Variants in ZNF676 observed in about 807,000 individuals in gnomAD.
The protein encoded by ZNF676 is zinc finger protein 676.
In ZNF676, 4 loss-of-function variants were observed where a neutral mutation model predicts 6.0. The observed-to-expected ratio is 0.67, with a 90% CI of 0.33 to 1.53. ZNF676 has a LOEUF of 1.53. Ranked by LOEUF, ZNF676 falls within the 40% of genes most tolerant of loss-of-function variation. ZNF676 has a pLI of 0.06. For missense variants in ZNF676, 644 were observed against 679.7 expected (o/e 0.95, Z 0.58); for synonymous variants, 198 against 223.1 (o/e 0.89, Z 1.00).
At chr19:22,196,041 G>A (rs986697397) in intron 1 of ZNF676, among the ~76,000 whole-genome samples, 5 of 152,074 alleles carry the variant, frequency 3.3e-5, no homozygotes, top group East Asian at 1.9e-4. Context: ...TGTAAAATCC[G>A]ACGGACCAAT....
chr19:22,243,816 T>C, the ZNF676 span: 2 of 152,218 alleles, frequency 1.3e-5, no homozygotes, highest in Non-Finnish European at 2.9e-5. Flanking sequence ...CAAATGTTAA[T>C]ATATGACAGT....
the ZNF676 span, among the ~76,000 whole-genome samples, chr19:22,223,308 T>C: frequency 9.2e-5 from 14 of 152,204 alleles, no homozygotes; most frequent in African/African-American, 3.4e-4. Flanking sequence ...CAAAGCTCTT[T>C]TGAAGGTACT....
At chr19:22,247,099 T>G in the ZNF676 span, among the ~76,000 whole-genome samples, 3 of 152,178 alleles carry the variant, frequency 2.0e-5, no homozygotes, top group Non-Finnish European at 4.4e-5. Context: ...GCAGCACCAA[T>G]TAGCCAACTT....
At chr19:22,229,139 G>T in the ZNF676 span, among the ~76,000 whole-genome samples, 6 of 152,120 alleles carry the variant, frequency 3.9e-5, no homozygotes, top group African/African-American at 1.2e-4. Context: ...CATGGTATTG[G>T]TATCAAAACA....
intron 1 of ZNF676, among the ~76,000 whole-genome samples, chr19:22,212,864 G>A (rs2024144048): frequency 6.6e-6 from 1 of 151,880 alleles, no homozygotes; most frequent in East Asian, 1.9e-4. Context: ...GCATGTGGGT[G>A]CACGCCTGTA....
At chr19:22,215,479 G>T (rs1247636001) in intron 1 of ZNF676, among the ~76,000 whole-genome samples, 1 of 152,176 alleles carries the variant, frequency 6.6e-6, no homozygotes, top group Non-Finnish European at 1.5e-5. Flanking sequence ...CCGCGCAGCC[G>T]CCATCTTATG....
At chr19:22,214,441 C>A (rs1307899831) in intron 1 of ZNF676, among the ~76,000 whole-genome samples, 1 of 150,912 alleles carries the variant, frequency 6.6e-6, no homozygotes, top group African/African-American at 2.4e-5. Flanking sequence ...ACGGTGAAAC[C>A]CCGTCCCTAT....
rs2023725986 is a variant in ZNF676 at position 22,180,695 on chromosome 19, T to C, written c.1022A>G (p.Glu341Gly). 2.5e-6 allele frequency: 4 copies of C among 1,611,548 alleles called. No individual in the cohort carries two copies. The highest frequency in any genetic ancestry group is 2.5e-6 in the Non-Finnish European group (3 of 1,178,864). Reference protein sequence around the residue: ...HAGEKPYKCEECGKAFNRSSI... With the variant: ...HAGEKPYKCEGCGKAFNRSSI... The stretch of plus-strand genomic sequence containing the variant: ...GGATCGATTAAAAGCTTTCCCGCAT[T>C]CTTCACATTTGTAGGGTTTCTCTCC... The change falls in exon 3 of 3, where the codon GAA (glutamate) becomes GGA (glycine). Residue 341 changes from glutamate (E) to glycine (G), a missense_variant. Transcript: ENST00000397121.
At chr19:22,191,652 C>T (rs2023908398) in intron 2 of ZNF676, among the ~76,000 whole-genome samples, 1 of 152,152 alleles carries the variant, frequency 6.6e-6, no homozygotes, top group Non-Finnish European at 1.5e-5. Flanking sequence ...GAAACCTGCC[C>T]TAGCGTCTAC....
At chr19:22,216,668 AG>A (rs1482218653), upstream of ZNF676, among the ~76,000 whole-genome samples, 1 of 151,060 alleles carries the variant, frequency 6.6e-6, no homozygotes, top group Non-Finnish European at 1.5e-5. Flanking sequence ...GAGTCTTGCC[AG>A]GCTAGAGTGC....
the ZNF676 span, among the ~76,000 whole-genome samples, chr19:22,239,595 C>A: frequency 6.6e-6 from 1 of 152,204 alleles, no homozygotes; most frequent in African/African-American, 2.4e-5. Context: ...GTCACAATCT[C>A]ACTTGCATAC....
At chr19:22,230,627 A>G in the ZNF676 span, among the ~76,000 whole-genome samples, 1 of 150,734 alleles carries the variant, frequency 6.6e-6, no homozygotes. Flanking sequence ...TGTATATTAT[A>G]TATATGTATG....
upstream of ZNF676, among the ~76,000 whole-genome samples, chr19:22,199,001 G>A (rs1309896723): frequency 6.6e-6 from 1 of 151,778 alleles, no homozygotes; most frequent in African/African-American, 2.4e-5. Flanking sequence ...CAACATGAAT[G>A]CTTCCACCAA....
chr19:22,204,822 C>G (rs760936546), intron 1 of ZNF676, among the ~76,000 whole-genome samples: 2 of 151,880 alleles, frequency 1.3e-5, no homozygotes, highest in Non-Finnish European at 2.9e-5. Context: ...ATCTCAGGTC[C>G]CAGATAAAGA....
chr19:22,250,236 C>A, the ZNF676 span, among the ~76,000 whole-genome samples: 1 of 150,308 alleles, frequency 6.7e-6, no homozygotes, highest in African/African-American at 2.4e-5. Flanking sequence ...CTAATTCATA[C>A]GTGAAATGTA....
chr19:22,221,790 G>T, the ZNF676 span, among the ~76,000 whole-genome samples: 3 of 151,680 alleles, frequency 2.0e-5, no homozygotes, highest in Non-Finnish European at 2.9e-5. Context: ...CCTATTATAT[G>T]GTCTATCTTG....
the ZNF676 span, among the ~76,000 whole-genome samples, chr19:22,223,255 A>G: frequency 2.4e-3 from 371 of 152,260 alleles, no homozygotes; most frequent in African/African-American, 8.0e-3. Flanking sequence ...ATGTTCCTCA[A>G]TCTTGGGCTT....
the ZNF676 span, among the ~76,000 whole-genome samples, chr19:22,235,024 GAAAGAAAGA>G: frequency 3.3e-5 from 2 of 60,002 alleles, no homozygotes; most frequent in East Asian, 4.5e-4. Context: ...AAGAAAGAAA[GAAAGAAAGA>G]AAAGAAAAGA....
chr19:22,230,933 C>T, the ZNF676 span, among the ~76,000 whole-genome samples: 1 of 151,304 alleles, frequency 6.6e-6, no homozygotes, highest in Non-Finnish European at 1.5e-5. Context: ...GCTGGGATTA[C>T]AGGCATGAGC....
Sources: allele counts gnomAD v4.1 joint callset (sites outside exome capture counted in the v4.1 genomes callset), GRCh38; gene constraint gnomAD v4.1.1; transcripts MANE v1.5; gene names NCBI Gene and HGNC (gene_info 2026-07-23, HGNC 2026-07-21).